The following AGBL4 variants were observed in gnomAD, a reference collection of about 807,000 sequenced individuals.
AGBL4 encodes AGBL carboxypeptidase 4.
AGBL4 carries 58 observed loss-of-function variants against 66.4 expected under a neutral mutation model. The ratio of observed to expected loss-of-function variants is 0.87; its 90% CI spans 0.71 to 1.09. The LOEUF is 1.09. AGBL4 is among the 50% of genes least tolerant of loss of function. The pLI, the probability that AGBL4 is intolerant of heterozygous loss-of-function variation, is 0.00. For missense variants in AGBL4, 579 were observed against 631.0 expected, an observed-to-expected ratio of 0.92 and a Z score of 0.88; for synonymous variants, 234 against 222.9, an observed-to-expected ratio of 1.05 and a Z score of -0.44.
chr1:48,529,778 G>A (rs1253255400), downstream of AGBL4, among the ~76,000 whole-genome samples: 3 of 152,134 alleles, frequency 2.0e-5, no homozygotes, highest in African/African-American at 7.2e-5. Flanking sequence ...CAGTAACCCA[G>A]AGAGTGTCAC....
At chr1:49,238,692 C>T (rs1650977560) in intron 4 of AGBL4, among the ~76,000 whole-genome samples, 1 of 152,104 alleles carries the variant, frequency 6.6e-6, no homozygotes, top group Non-Finnish European at 1.5e-5. Flanking sequence ...ATTTATTTTC[C>T]CCATTGTGTT....
At chr1:49,278,965 G>A (rs1570315602) in intron 3 of AGBL4, among the ~76,000 whole-genome samples, 1 of 152,090 alleles carries the variant, frequency 6.6e-6, no homozygotes. Context: ...TTTTATAAAT[G>A]TCAGATTATT....
chr1:49,807,392 T>C (rs1453343421), intron 2 of AGBL4, among the ~76,000 whole-genome samples: 1 of 152,146 alleles, frequency 6.6e-6, no homozygotes, highest in Non-Finnish European at 1.5e-5. Flanking sequence ...TCCTTAAGGT[T>C]TTAGACTTGC....
At chr1:48,565,521 C>T (rs991258383) in intron 11 of AGBL4, among the ~76,000 whole-genome samples, 1 of 152,150 alleles carries the variant, frequency 6.6e-6, no homozygotes, top group African/African-American at 2.4e-5. Flanking sequence ...GGTTCCTCAA[C>T]TTCTTGTTTT....
At chr1:49,371,733 A>G (rs983434560) in intron 3 of AGBL4, among the ~76,000 whole-genome samples, 19 of 152,082 alleles carry the variant, frequency 1.2e-4, no homozygotes, top group Admixed American at 1.1e-3. Context: ...AGAAGACTGC[A>G]GAACTTCGAT....
intron 3 of AGBL4, among the ~76,000 whole-genome samples, chr1:49,485,374 G>T (rs372393152): frequency 7.0e-6 from 1 of 142,844 alleles, no homozygotes; most frequent in South Asian, 2.2e-4. Context: ...ACCAAACACC[G>T]CATGTTCTCA....
chr1:49,755,081 G>A (rs1266877577), intron 2 of AGBL4, among the ~76,000 whole-genome samples: 2 of 152,142 alleles, frequency 1.3e-5, no homozygotes. Flanking sequence ...GTAGCATCTA[G>A]ACTAAGGTTT....
At chr1:49,933,674 T>C (rs1331783122) in intron 1 of AGBL4, among the ~76,000 whole-genome samples, 1 of 152,112 alleles carries the variant, frequency 6.6e-6, no homozygotes, top group Non-Finnish European at 1.5e-5. Context: ...AAGTGCAGTT[T>C]TGTAAGCAGT....
intron 3 of AGBL4, among the ~76,000 whole-genome samples, chr1:49,417,050 G>T (rs1183028679): frequency 6.6e-6 from 1 of 151,970 alleles, no homozygotes; most frequent in East Asian, 1.9e-4. Flanking sequence ...TGTGTTCTGG[G>T]TCCATGGGCC....
At chr1:49,642,391 G>A (rs1012032676) in intron 3 of AGBL4, among the ~76,000 whole-genome samples, 4 of 151,982 alleles carry the variant, frequency 2.6e-5, no homozygotes, top group African/African-American at 9.7e-5. Flanking sequence ...CACAGCACAA[G>A]GGAGAAGAAA....
At chr1:49,048,300 C>A (rs1420591267) in intron 4 of AGBL4, 1 of 152,174 alleles carries the variant, frequency 6.6e-6, no homozygotes, top group Non-Finnish European at 1.5e-5. Context: ...GTTTTCTCCT[C>A]TTCCAGCCAA....
At position 48,789,864 on chromosome 1, in the gene AGBL4, A is replaced by C. The variant is rs1645504062; in HGVS notation, c.634+77327T>G. The stretch of plus-strand genomic sequence containing the variant: ...GCCAACCCGTCTCTGCTGCAGTGAC[A>C]TTAAAAGATAAAATGTTCAAAACTC... On this transcript the variant is annotated intron_variant, in intron 6 of 13. Coordinates refer to ENST00000371839, the MANE Select transcript of AGBL4 (RefSeq NM_032785.4). 3.3e-5 allele frequency among the ~76,000 whole-genome samples: 5 copies of C among 152,170 alleles called. No homozygotes were observed. The South Asian group carries it at 6.2e-4, about 19-fold the overall frequency.
intron 3 of AGBL4, among the ~76,000 whole-genome samples, chr1:49,686,249 C>T (rs943590162): frequency 3.9e-5 from 6 of 152,024 alleles, no homozygotes; most frequent in African/African-American, 9.7e-5. Flanking sequence ...TAAGGACCCC[C>T]GCCACGGCCC....
At chr1:49,959,782 A>G (rs1466990447) in intron 1 of AGBL4, among the ~76,000 whole-genome samples, 1 of 152,130 alleles carries the variant, frequency 6.6e-6, no homozygotes. Flanking sequence ...GAATGAACCT[A>G]AATGCTCATC....
intron 5 of AGBL4, among the ~76,000 whole-genome samples, chr1:48,985,262 G>C (rs1437595788): frequency 1.3e-5 from 2 of 152,090 alleles, no homozygotes; most frequent in East Asian, 3.9e-4. Flanking sequence ...TATACTCCCT[G>C]AGTTAAAGGG....
chr1:48,826,127 G>A (rs1240033456), intron 6 of AGBL4, among the ~76,000 whole-genome samples: 1 of 152,112 alleles, frequency 6.6e-6, no homozygotes, highest in African/African-American at 2.4e-5. Context: ...AGGTAATGAG[G>A]ATCTCCCTCC....
At chr1:49,882,875 G>A (rs995594747) in intron 1 of AGBL4, among the ~76,000 whole-genome samples, 2 of 152,226 alleles carry the variant, frequency 1.3e-5, no homozygotes, top group African/African-American at 4.8e-5. Flanking sequence ...GATAGCATTT[G>A]GTTGGTGGAG....
chr1:49,316,678 T>C (rs1645044605), intron 3 of AGBL4, among the ~76,000 whole-genome samples: 1 of 151,956 alleles, frequency 6.6e-6, no homozygotes, highest in South Asian at 2.1e-4. Context: ...TATACACTTC[T>C]GGAGGAGGTA....
At chr1:48,974,793 G>T (rs1659183827) in intron 5 of AGBL4, among the ~76,000 whole-genome samples, 1 of 152,040 alleles carries the variant, frequency 6.6e-6, no homozygotes, top group Non-Finnish European at 1.5e-5. Flanking sequence ...TCCTATTTCT[G>T]GCACCTTGTA....
Sources: allele counts gnomAD v4.1 joint callset (sites outside exome capture counted in the v4.1 genomes callset), GRCh38; gene constraint gnomAD v4.1.1; transcripts MANE v1.5; gene names NCBI Gene and HGNC (gene_info 2026-07-23, HGNC 2026-07-21).